Variants in RNPEPL1 observed in about 807,000 individuals in gnomAD.
RNPEPL1 encodes the protein arginyl aminopeptidase like 1, also known as aminopeptidase RNPEPL1.
In RNPEPL1, 46 loss-of-function variants were observed where a neutral mutation model predicts 69.0. That is an observed-to-expected ratio of 0.67 (90% confidence interval 0.53 to 0.85). RNPEPL1 has a LOEUF of 0.85. RNPEPL1 is among the 40% of genes least tolerant of loss of function. The pLI, the probability that RNPEPL1 is intolerant of heterozygous loss-of-function variation, is 0.00. For synonymous variants in RNPEPL1, 525 were observed against 454.1 expected, an observed-to-expected ratio of 1.16 and a Z score of -1.98; for missense variants, 869 against 992.5, an observed-to-expected ratio of 0.88 and a Z score of 1.67.
At chr2:240,574,949 G>A (rs1002784977) in intron 6 of RNPEPL1, 81 bp from the exon 7 acceptor site, 31 of 1,078,716 alleles carry the variant, frequency 2.9e-5, no homozygotes, top group Middle Eastern at 4.0e-4. Flanking sequence ...GCTGCTCCTC[G>A]GAGCCTGACC....
Position 240,575,579 on chromosome 2 carries a change from G to A in RNPEPL1, c.1479G>A (p.Glu493=), listed in dbSNP as rs754605463. The stretch of plus-strand genomic sequence containing the variant: ...ACTCCTTCCTGAGCTTCTTCCCGGA[G>A]CTGAAGGAGCAGAGCGTGGACTGCC... ...LLDSFLSFFP[E]LKEQSVDCRA... The change falls in exon 8 of 11, where the codon GAG becomes GAA. Residue 493 remains glutamate, a synonymous_variant. Coordinates refer to ENST00000270357, the MANE Select transcript of RNPEPL1 (RefSeq NM_018226.6). The A allele has an allele frequency of 6.2e-7, 1 of 1,613,416 alleles. No homozygotes were observed. Among genetic ancestry groups the A allele is most frequent in the Non-Finnish European group, 8.5e-7 (1 of 1,179,998 alleles).
chr2:240,568,687 C>T lies in RNPEPL1; in HGVS notation c.101C>T (p.Ser34Phe). 5.7e-6 allele frequency: 6 copies of T among 1,054,734 alleles called. No individual in the cohort carries two copies. Among genetic ancestry groups the T allele is most frequent in the Non-Finnish European group, 6.9e-6 (6 of 871,674 alleles). The allele number at this position is 1,054,734 out of a possible 1,614,324, so 65.3% of individuals were successfully genotyped here. A position where few individuals can be genotyped will look rare whatever the true frequency, so the allele number is the denominator to read the frequency against. ...PPPALDVASASSAQLFRLRHL... is the reference protein window; with the variant it reads ...PPPALDVASAFSAQLFRLRHL... ...CCCGCCCTGGACGTGGCCTCGGCCT[C>T]CAGCGCGCAGCTCTTCCGCCTCCGC... is the stretch of plus-strand genomic sequence containing the variant. Residue 34 changes from serine to phenylalanine, a missense_variant, in exon 1 of 11, where the codon TCC (serine) becomes TTC (phenylalanine). This residue lies in a region of RNPEPL1 where 259 missense variants were observed against 201.5 expected (regional missense o/e 1.29). Transcript: ENST00000270357. This position sits in a 1 kb window ranked among gnomAD's most constrained non-coding sequence, Gnocchi z 6.2.
At chr2:240,570,250 G>C (rs539797472) in intron 1 of RNPEPL1, among the ~76,000 whole-genome samples, 6 of 152,354 alleles carry the variant, frequency 3.9e-5, no homozygotes, top group Non-Finnish European at 8.8e-5. Context: ...TCAGCAGGCT[G>C]CTGTGAACGG....
rs1249345618 is a variant in RNPEPL1, at chr2:240,581,074, C to T, written c.*3182C>T. ...ATGCTTTGCACAGAACATTAGGAAA[C>T]TCCAGATGTAAAGGTAAGGCACAAC... On this transcript the variant is annotated 3_prime_UTR_variant, in exon 11 of 11. Coordinates refer to ENST00000270357, the MANE Select transcript of RNPEPL1 (RefSeq NM_018226.6). 6.6e-6 allele frequency: 1 copy of T among 152,194 alleles called. No individual in the cohort carries two copies. Among genetic ancestry groups the T allele is most frequent in the Non-Finnish European group, 1.5e-5 (1 of 68,046 alleles). The allele number at this position is 152,194 out of a possible 1,614,324, so 9.4% of individuals were successfully genotyped here. A position where few individuals can be genotyped will look rare whatever the true frequency, so the allele number is the denominator to read the frequency against.
intron 2 of RNPEPL1, 138 bp downstream of exon 2, chr2:240,572,701 T>C: frequency 8.7e-7 from 1 of 1,142,860 alleles, no homozygotes. Flanking sequence ...GAGCCCACCC[T>C]CCCTACTCTA....
chr2:240,574,383 G>A (rs755739848), intron 5 of RNPEPL1, 35 bp downstream of exon 5: 20 of 1,579,890 alleles, frequency 1.3e-5, no homozygotes, highest in Middle Eastern at 1.7e-4. Context: ...GCCACGGGGG[G>A]CCCTGGGCAC....
Position 240,574,570 on chromosome 2 carries a change from G to C in RNPEPL1, c.1230G>C (p.Gln410His). ...TCCGCCTGGACGCCCTGCACCGGCA[G>C]ATGAAGCTTCTGGGAGAGGACAGCC... is the stretch of plus-strand genomic sequence containing the variant. ...TAFRLDALHRQMKLLGEDSPV... is the reference protein window; with the variant it reads ...TAFRLDALHRHMKLLGEDSPV... The change falls in exon 6 of 11, where the codon CAG (glutamine) becomes CAC (histidine). Residue 410 changes from glutamine to histidine, a missense_variant. This residue lies in a region of RNPEPL1 where 610 missense variants were observed against 790.9 expected (regional missense o/e 0.77). Coordinates refer to ENST00000270357, the MANE Select transcript of RNPEPL1 (RefSeq NM_018226.6). The C allele has an allele frequency of 6.2e-7, 1 of 1,613,004 alleles. No homozygotes were observed. Among genetic ancestry groups the C allele is most frequent in the Non-Finnish European group, 8.5e-7 (1 of 1,179,948 alleles).
chr2:240,570,508 G>A (rs964215834), intron 1 of RNPEPL1, among the ~76,000 whole-genome samples: 5 of 152,220 alleles, frequency 3.3e-5, no homozygotes, highest in South Asian at 2.1e-4. Flanking sequence ...GGGGCCACAC[G>A]TAGAGTCCCC....
At position 240,568,884 on chromosome 2, in the gene RNPEPL1, A is replaced by T; in HGVS notation, c.298A>T (p.Thr100Ser). 1 of 1,243,878 alleles carries T rather than the reference A, an allele frequency of 8.0e-7. No individual in the cohort carries two copies. Among genetic ancestry groups the T allele is most frequent in the Non-Finnish European group, 1.0e-6 (1 of 992,604 alleles). 77.1% of individuals were successfully genotyped at this position (1,243,878 alleles called of 1,614,324 possible). A position where few individuals can be genotyped will look rare whatever the true frequency, so the allele number is the denominator to read the frequency against. ...TCGCGCCCCCGCCGCCGCCGCCGAGACGCCCTGCGCCTTCGCCTTCTCCGC... is the reference window on the plus strand; with the variant it reads ...TCGCGCCCCCGCCGCCGCCGCCGAGTCGCCCTGCGCCTTCGCCTTCTCCGC... ...FRRAPAAAAE[T>S]PCAFAFSAPG... Residue 100 changes from threonine to serine, a missense_variant, in exon 1 of 11, where the codon ACG becomes TCG. Thr to Ser is a moderately conservative substitution (Grantham distance 58). Around this residue, in one of 2 missense-constraint regions of RNPEPL1, gnomAD observed 259 missense variants for 201.5 expected, o/e 1.29. Transcript: ENST00000270357. The surrounding 1 kb of genome is among the most constrained non-coding windows in gnomAD (Gnocchi z 6.2).
rs778260472 is a variant in RNPEPL1, at chr2:240,577,874, C to T, written c.2160C>T (p.Asp720=). The change falls in exon 11 of 11, where the codon GAC becomes GAT. Residue 720 remains aspartate (D), a synonymous_variant. Coordinates refer to ENST00000270357, the MANE Select transcript of RNPEPL1 (RefSeq NM_018226.6). ...EAPSSAISLR[D]VNVSA ...CCAGCAGTGCCATCTCTCTCAGGGACGTCAATGTGTCTGCCTAGCCCTGTT... is the reference window on the plus strand; with the variant it reads ...CCAGCAGTGCCATCTCTCTCAGGGATGTCAATGTGTCTGCCTAGCCCTGTT... 7.1e-6 allele frequency: 11 copies of T among 1,541,668 alleles called. No individual in the cohort carries two copies. The highest frequency in any genetic ancestry group is 1.2e-5 in the South Asian group (1 of 82,986).
At chr2:240,576,399 C>G in intron 8 of RNPEPL1, 136 bp from the exon 9 acceptor site, 4 of 769,176 alleles carry the variant, frequency 5.2e-6, no homozygotes, top group Non-Finnish European at 8.2e-6. Flanking sequence ...CTGACTCCGC[C>G]TTCCTGAACA....
Position 240,569,158 on chromosome 2 carries a change from G to C in RNPEPL1, c.528+44G>C, listed in dbSNP as rs952713496. The C allele has an allele frequency of 3.3e-5, 45 of 1,384,580 alleles. No individual in the cohort carries two copies. The African/African-American group carries it at 6.5e-4, about 20-fold the overall frequency. 85.8% of individuals were successfully genotyped at this position (1,384,580 alleles called of 1,614,324 possible). A position where few individuals can be genotyped will look rare whatever the true frequency, so the allele number is the denominator to read the frequency against. The stretch of plus-strand genomic sequence containing the variant: ...CCGGGGCTGCGGGCCGGTCCGCAGG[G>C]CGCTGCTAGCGGCCTCTCGCCGCAC... On this transcript the variant is annotated intron_variant, in intron 1 of 10. Coordinates refer to ENST00000270357, the MANE Select transcript of RNPEPL1 (RefSeq NM_018226.6).
intron 1 of RNPEPL1, among the ~76,000 whole-genome samples, chr2:240,571,816 C>G (rs888254356): frequency 6.6e-6 from 1 of 151,870 alleles, no homozygotes; most frequent in African/African-American, 2.4e-5. Context: ...GCTCCTGTCC[C>G]CTGCCAGCAG....
At chr2:240,570,518 C>A (rs1182864254) in intron 1 of RNPEPL1, among the ~76,000 whole-genome samples, 1 of 152,224 alleles carries the variant, frequency 6.6e-6, no homozygotes, top group African/African-American at 2.4e-5. Context: ...GTAGAGTCCC[C>A]TTCTCTTCCT....
In RNPEPL1 at chr2:240,581,328, G is replaced by C. The variant is rs183022015; in HGVS notation, c.*3436G>C. 16 of 152,256 alleles carry C rather than the reference G, an allele frequency of 1.1e-4. No individual in the cohort carries two copies. The East Asian group carries it at 2.9e-3, about 28-fold the overall frequency. 9.4% of individuals were successfully genotyped at this position (152,256 alleles called of 1,614,324 possible). On this transcript the variant is annotated 3_prime_UTR_variant, in exon 11 of 11. Coordinates refer to ENST00000270357, the MANE Select transcript of RNPEPL1 (RefSeq NM_018226.6). Reference sequence around the variant, plus strand: ...AAAAAAGAACCAGTCAGAGACCCTGGAAATTTTTTAAAAAGCAATTACTAA... The same window carrying C: ...AAAAAAGAACCAGTCAGAGACCCTGCAAATTTTTTAAAAAGCAATTACTAA...
rs1200130677 is a variant in RNPEPL1 at position 240,568,802 on chromosome 2, C to T, written c.216C>T (p.Pro72=). 1 of 1,090,770 alleles carries T rather than the reference C, an allele frequency of 9.2e-7. No individual in the cohort carries two copies. The highest frequency in any genetic ancestry group is 3.2e-5 in the South Asian group (1 of 31,566). 67.6% of individuals were successfully genotyped at this position (1,090,770 alleles called of 1,614,324 possible). A position where few individuals can be genotyped will look rare whatever the true frequency, so the allele number is the denominator to read the frequency against. ...AGCTGTGCGCGCTGCGGCCCGCGCC[C>T]CGCGCGCTCGTGCTCGACGCGCACC... The part of the protein sequence containing the change: ...VLELCALRPA[P]RALVLDAHPA... Residue 72 remains proline (P), a synonymous_variant, in exon 1 of 11, where the codon CCC becomes CCT. Coordinates refer to ENST00000270357, the MANE Select transcript of RNPEPL1 (RefSeq NM_018226.6). This position sits in a 1 kb window ranked among gnomAD's most constrained non-coding sequence, Gnocchi z 6.2.
intron 8 of RNPEPL1, chr2:240,576,158 A>C (rs987986437): frequency 1.9e-5 from 6 of 315,508 alleles, no homozygotes; most frequent in Non-Finnish European, 3.6e-5. Flanking sequence ...CTGCCCTTTA[A>C]GAGCAGGAAT....
rs1394411926 is a variant in RNPEPL1, at chr2:240,577,750, C to T, written c.2036C>T (p.Ser679Phe). The change falls in exon 11 of 11, where the codon TCC (serine) becomes TTC (phenylalanine). Residue 679 changes from serine (S) to phenylalanine (F), a missense_variant. By Grantham distance (155) the Ser-to-Phe change is radical. This residue lies in a region of RNPEPL1 where 610 missense variants were observed against 790.9 expected (regional missense o/e 0.77). Coordinates refer to ENST00000270357, the MANE Select transcript of RNPEPL1 (RefSeq NM_018226.6). ...CAGATCCTGTCCCAGGGCCTGGGCT[C>T]CAGCACAGAGCCCGCCTCAGAGCCC... ...IQQILSQGLGSSTEPASEPST... is the reference protein window; with the variant it reads ...IQQILSQGLGFSTEPASEPST... 1.2e-6 allele frequency: 2 copies of T among 1,612,232 alleles called. No homozygotes were observed. The highest frequency in any genetic ancestry group is 3.3e-5 in the Admixed American group (2 of 59,914).
At chr2:240,572,363 T>A in intron 1 of RNPEPL1, 60 bp from the exon 2 acceptor site, 1 of 1,513,260 alleles carries the variant, frequency 6.6e-7, no homozygotes. Flanking sequence ...TGCTGCCCAG[T>A]GGCTAGGGCC....
Sources: gnomAD v4.1 joint callset for allele counts (sites outside exome capture counted in the v4.1 genomes callset) on GRCh38, gnomAD v4.1.1 for gene constraint, gnomAD v4.1.1 regional missense constraint, Gnocchi (gnomAD v3.1) non-coding constraint, MANE v1.5 for transcripts, NCBI Gene and HGNC (gene_info 2026-07-23, HGNC 2026-07-21) for gene names.